Variants in KLHL1 observed in about 807,000 individuals in gnomAD.
The protein encoded by KLHL1 is kelch like family member 1, also known as kelch-like protein 1.
Under a neutral mutation model 77.7 loss-of-function variants are expected in KLHL1, and 47 were observed. The observed-to-expected ratio is 0.60, with a 90% CI of 0.48 to 0.77. The LOEUF (loss-of-function observed/expected upper bound fraction) is 0.77. KLHL1 is among the 30% of genes least tolerant of loss of function. The pLI, the probability that KLHL1 is intolerant of heterozygous loss-of-function variation, is 0.00. For synonymous variants in KLHL1, 360 were observed against 325.2 expected (o/e 1.11, Z -1.15); for missense variants, 925 against 910.8 (o/e 1.02, Z -0.20).
At chr13:69,943,192 C>A (rs760324451) in intron 3 of KLHL1, among the ~76,000 whole-genome samples, 4 of 151,742 alleles carry the variant, frequency 2.6e-5, no homozygotes, top group Non-Finnish European at 5.9e-5. Flanking sequence ...TTTTTGGTGG[C>A]TTTGAGTGTC....
At chr13:70,030,277 T>A (rs1886061205) in intron 1 of KLHL1, among the ~76,000 whole-genome samples, 3 of 152,154 alleles carry the variant, frequency 2.0e-5, no homozygotes, top group Admixed American at 6.6e-5. Flanking sequence ...CCACCCCAGA[T>A]CAGCAGAATA....
chr13:69,729,163 G>A (rs533980111), intron 8 of KLHL1, among the ~76,000 whole-genome samples: 5 of 152,052 alleles, frequency 3.3e-5, no homozygotes, highest in Admixed American at 6.6e-5. Context: ...ACACATCGAC[G>A]TTTATTCACT....
intron 1 of KLHL1, among the ~76,000 whole-genome samples, chr13:70,003,633 T>C (rs1466377638): frequency 1.3e-5 from 2 of 151,858 alleles, no homozygotes; most frequent in East Asian, 1.9e-4. Flanking sequence ...GCATTTATCA[T>C]TGAAACAATA....
chr13:69,881,241 C>T (rs919843419), intron 5 of KLHL1, among the ~76,000 whole-genome samples: 3 of 151,886 alleles, frequency 2.0e-5, no homozygotes, highest in Admixed American at 6.6e-5. Flanking sequence ...TTTTCAATTA[C>T]GGTAATGTGT....
At chr13:69,757,423 T>C (rs1222342899) in intron 7 of KLHL1, among the ~76,000 whole-genome samples, 1 of 152,178 alleles carries the variant, frequency 6.6e-6, no homozygotes, top group Non-Finnish European at 1.5e-5. Context: ...ATTAATAATA[T>C]ATCCATAAAA....
intron 8 of KLHL1, among the ~76,000 whole-genome samples, chr13:69,739,126 C>A (rs1873881046): frequency 6.6e-6 from 1 of 152,100 alleles, no homozygotes; most frequent in African/African-American, 2.4e-5. Flanking sequence ...TAATTTCCAA[C>A]CTAGAATTTC....
At chr13:70,041,754 G>C (rs575367206) in intron 1 of KLHL1, among the ~76,000 whole-genome samples, 33 of 152,174 alleles carry the variant, frequency 2.2e-4, no homozygotes, top group African/African-American at 7.9e-4. Context: ...AGAAATCCAG[G>C]TTTCCCACAT....
intron 1 of KLHL1, among the ~76,000 whole-genome samples, chr13:70,036,570 C>T (rs545395122): frequency 6.6e-6 from 1 of 151,996 alleles, no homozygotes; most frequent in East Asian, 1.9e-4. Flanking sequence ...CTTATTGTAA[C>T]ACAAACAGTA....
chr13:69,725,680 T>G (rs1873264358), intron 8 of KLHL1, among the ~76,000 whole-genome samples: 1 of 152,178 alleles, frequency 6.6e-6, no homozygotes, highest in South Asian at 2.1e-4. Flanking sequence ...GATTTTGCAA[T>G]AGACATCATC....
At chr13:69,849,023 T>C (rs1285590260) in intron 5 of KLHL1, among the ~76,000 whole-genome samples, 3 of 151,636 alleles carry the variant, frequency 2.0e-5, no homozygotes, top group African/African-American at 7.2e-5. Flanking sequence ...CCTTCCACCC[T>C]GTATGAACAT....
At chr13:70,027,843 G>C (rs184173197) in intron 1 of KLHL1, among the ~76,000 whole-genome samples, 2 of 152,034 alleles carry the variant, frequency 1.3e-5, no homozygotes, top group East Asian at 3.9e-4. Context: ...ATTTAGAATT[G>C]GTTCTGGAGC....
chr13:69,960,061 T>A (rs1884016215), intron 3 of KLHL1, among the ~76,000 whole-genome samples: 2 of 151,808 alleles, frequency 1.3e-5, no homozygotes, highest in Admixed American at 1.3e-4. Context: ...AATGTCTAAG[T>A]ATTTTCCTCA....
chr13:70,095,336 G>A (rs1384804402), intron 1 of KLHL1, among the ~76,000 whole-genome samples: 2 of 152,090 alleles, frequency 1.3e-5, no homozygotes, highest in Admixed American at 1.3e-4. Context: ...AGATCCTTAG[G>A]ACTATCAGGA....
chr13:69,815,739 A>T (rs1277549843), intron 6 of KLHL1, among the ~76,000 whole-genome samples: 1 of 152,182 alleles, frequency 6.6e-6, no homozygotes, highest in Non-Finnish European at 1.5e-5. Flanking sequence ...ATGAACTGGA[A>T]TATTAAAAAG....
intron 5 of KLHL1, among the ~76,000 whole-genome samples, chr13:69,880,928 T>C (rs17085577): frequency 0.057 from 8,738 of 152,214 alleles, 644 homozygotes; most frequent in African/African-American, 0.17. Flanking sequence ...TAACTATCAT[T>C]GGCTTTCTGG....
chr13:69,781,000 G>GTAAGT (rs1384297495), intron 7 of KLHL1, among the ~76,000 whole-genome samples: 3 of 151,468 alleles, frequency 2.0e-5, no homozygotes, highest in Admixed American at 2.0e-4. Flanking sequence ...TAGTAAGTAA[G>GTAAGT]TAAGTTTCTT....
chr13:69,961,239 C>A, intron 3 of KLHL1, 69 bp downstream of exon 3: 4 of 1,444,244 alleles, frequency 2.8e-6, no homozygotes, highest in South Asian at 1.3e-5. Flanking sequence ...AGCGTTAAAT[C>A]CTGTACTTAA....
chr13:70,063,715 T>C (rs935304999), intron 1 of KLHL1, among the ~76,000 whole-genome samples: 1 of 152,056 alleles, frequency 6.6e-6, no homozygotes, highest in African/African-American at 2.4e-5. Context: ...TATTCTAATA[T>C]TTTTTTAAAA....
intron 2 of KLHL1, among the ~76,000 whole-genome samples, chr13:69,971,297 TATC>T (rs577770091): frequency 1.4e-4 from 21 of 151,848 alleles, no homozygotes; most frequent in African/African-American, 3.9e-4. Context: ...GAGTGTTAAC[TATC>T]ATCATCATCA....
Sources: allele counts gnomAD v4.1 joint callset (sites outside exome capture counted in the v4.1 genomes callset), GRCh38; gene constraint gnomAD v4.1.1; transcripts MANE v1.5; gene names NCBI Gene and HGNC (gene_info 2026-07-23, HGNC 2026-07-21).